Variants in DLGAP1 observed in about 807,000 individuals in gnomAD.
DLGAP1 encodes disks large-associated protein 1.
In DLGAP1, 11 loss-of-function variants were observed where a neutral mutation model predicts 90.8. The observed-to-expected ratio is 0.12, with a 90% CI of 0.08 to 0.20. The LOEUF (loss-of-function observed/expected upper bound fraction) is 0.20. Ranked by LOEUF, DLGAP1 falls within the 10% of genes least tolerant of loss-of-function variation. The pLI, the probability that DLGAP1 is intolerant of heterozygous loss-of-function variation, is 1.00. For missense variants in DLGAP1, 1,050 were observed against 1,333.8 expected (o/e 0.79, Z 3.31); for synonymous variants, 558 against 540.7 (o/e 1.03, Z -0.44).
At chr18:3,516,705 G>C (rs74492697) in intron 10 of DLGAP1, among the ~76,000 whole-genome samples, 6,090 of 152,248 alleles carry the variant, frequency 0.04, 424 homozygotes, top group African/African-American at 0.14. Flanking sequence ...AGACAAGAGA[G>C]AATGATGATA....
At chr18:3,848,954 C>A (rs574245045) in intron 4 of DLGAP1, among the ~76,000 whole-genome samples, 1 of 152,196 alleles carries the variant, frequency 6.6e-6, no homozygotes, top group Non-Finnish European at 1.5e-5. Flanking sequence ...AAATGTTAAA[C>A]GTGACCTCTG....
At chr18:3,850,014 T>C (rs550402608) in intron 4 of DLGAP1, among the ~76,000 whole-genome samples, 1 of 152,296 alleles carries the variant, frequency 6.6e-6, no homozygotes, top group South Asian at 2.1e-4. Flanking sequence ...TGTGATGCCA[T>C]TAAGGCATGA....
chr18:4,308,048 C>T (rs1190780252), intron 1 of DLGAP1, among the ~76,000 whole-genome samples: 1 of 152,130 alleles, frequency 6.6e-6, no homozygotes, highest in Non-Finnish European at 1.5e-5. Context: ...CTGTACTACA[C>T]TTCACACCTG....
intron 1 of DLGAP1, among the ~76,000 whole-genome samples, chr18:4,354,077 A>G (rs991357345): frequency 1.4e-4 from 21 of 152,160 alleles, no homozygotes; most frequent in Non-Finnish European, 1.8e-4. Flanking sequence ...ACTCGCACAT[A>G]GTTGCTGCTG....
chr18:4,010,898 A>G (rs1251380258), intron 2 of DLGAP1, among the ~76,000 whole-genome samples: 2 of 151,510 alleles, frequency 1.3e-5, no homozygotes, highest in African/African-American at 4.9e-5. Context: ...CCCTCCGGCC[A>G]GGCACAGTGG....
At chr18:4,269,078 T>G (rs1323874511) in intron 1 of DLGAP1, among the ~76,000 whole-genome samples, 1 of 151,896 alleles carries the variant, frequency 6.6e-6, no homozygotes, top group Admixed American at 6.6e-5. Context: ...TCCCAGTTAA[T>G]ATTAACTCTT....
intron 2 of DLGAP1, among the ~76,000 whole-genome samples, chr18:4,076,850 C>T (rs1401039926): frequency 6.6e-6 from 1 of 152,130 alleles, no homozygotes; most frequent in African/African-American, 2.4e-5. Context: ...TTTTGAACTC[C>T]TGACCTCAAG....
chr18:4,346,869 T>A (rs1004509970), intron 1 of DLGAP1, among the ~76,000 whole-genome samples: 6 of 152,074 alleles, frequency 3.9e-5, no homozygotes, highest in Non-Finnish European at 8.8e-5. Context: ...AAGTAAAAAT[T>A]AATGCTCAGA....
intron 3 of DLGAP1, among the ~76,000 whole-genome samples, chr18:3,890,637 A>G (rs1226377393): frequency 1.3e-5 from 2 of 152,232 alleles, no homozygotes; most frequent in Non-Finnish European, 1.5e-5. Flanking sequence ...ACAAATCCAC[A>G]TCCAGTCAAC....
At chr18:3,692,304 T>C (rs1168971025) in intron 7 of DLGAP1, among the ~76,000 whole-genome samples, 1 of 152,160 alleles carries the variant, frequency 6.6e-6, no homozygotes, top group Non-Finnish European at 1.5e-5. Flanking sequence ...CAAAATGAAA[T>C]GGACTTTCCC....
intron 8 of DLGAP1, among the ~76,000 whole-genome samples, chr18:3,569,656 TTC>T (rs2054651159): frequency 6.6e-6 from 1 of 152,010 alleles, no homozygotes; most frequent in South Asian, 2.1e-4. Context: ...CCTGAAATGT[TTC>T]TGTCAAAGAC....
chr18:3,956,673 G>C (rs1343401256), intron 3 of DLGAP1, among the ~76,000 whole-genome samples: 2 of 151,926 alleles, frequency 1.3e-5, no homozygotes, highest in African/African-American at 4.8e-5. Context: ...TTTAGACAGG[G>C]TCTCGCTCTG....
At chr18:4,173,324 G>A (rs1259420466) in intron 1 of DLGAP1, among the ~76,000 whole-genome samples, 1 of 152,120 alleles carries the variant, frequency 6.6e-6, no homozygotes, top group African/African-American at 2.4e-5. Flanking sequence ...ATTCCATGCT[G>A]GTTTCTCTAG....
At chr18:4,112,587 TG>T (rs1418830490) in intron 2 of DLGAP1, among the ~76,000 whole-genome samples, 3 of 152,188 alleles carry the variant, frequency 2.0e-5, no homozygotes, top group African/African-American at 7.2e-5. Flanking sequence ...ATTTTGGGGT[TG>T]CATTGTTAGG....
chr18:3,718,945 A>C (rs975321465), intron 7 of DLGAP1, among the ~76,000 whole-genome samples: 4 of 131,036 alleles, frequency 3.1e-5, no homozygotes, highest in Admixed American at 7.8e-5. Flanking sequence ...AAAAAAAAAA[A>C]GAAATAATGG....
At chr18:3,804,419 T>A (rs1323669843) in intron 5 of DLGAP1, among the ~76,000 whole-genome samples, 3 of 152,248 alleles carry the variant, frequency 2.0e-5, no homozygotes, top group Admixed American at 6.5e-5. Flanking sequence ...ATTCCCCAGA[T>A]GAACTGAAGG....
rs1344897682 is a variant in DLGAP1 at position 3,498,126 on chromosome 18, C to A, written c.*1059G>T. 5.9e-5 allele frequency: 9 copies of A among 152,140 alleles called. No individual in the cohort carries two copies. The highest frequency in any genetic ancestry group is 2.9e-5 in the Non-Finnish European group (2 of 68,040). 9.4% of individuals were successfully genotyped at this position (152,140 alleles called of 1,614,324 possible). A position where few individuals can be genotyped will look rare whatever the true frequency, so the allele number is the denominator to read the frequency against. On this transcript the variant is annotated 3_prime_UTR_variant, in exon 13 of 13. Coordinates refer to ENST00000315677, the MANE Select transcript of DLGAP1 (RefSeq NM_004746.4). ...GCATTCAAAGGGATGGTAGGAAAAC[C>A]CAAACTCTTCTCCAAAAACAGCCTT...
intron 2 of DLGAP1, among the ~76,000 whole-genome samples, chr18:4,047,432 C>T (rs981962230): frequency 9.2e-5 from 14 of 152,170 alleles, no homozygotes; most frequent in African/African-American, 3.4e-4. Context: ...GCATCATGAT[C>T]AAGCTCTATG....
At chr18:4,381,051 T>C (rs1389473859) in intron 1 of DLGAP1, among the ~76,000 whole-genome samples, 1 of 152,174 alleles carries the variant, frequency 6.6e-6, no homozygotes, top group African/African-American at 2.4e-5. Context: ...AATTTCCAAC[T>C]GGCTTATCAT....
Sources: allele counts gnomAD v4.1 joint callset (sites outside exome capture counted in the v4.1 genomes callset), GRCh38; gene constraint gnomAD v4.1.1; transcripts MANE v1.5; gene names NCBI Gene and HGNC (gene_info 2026-07-23, HGNC 2026-07-21).